Variants in TBKBP1 observed in about 807,000 individuals in gnomAD.
TBKBP1 encodes TBK1 binding protein 1.
Under a neutral mutation model 69.9 loss-of-function variants are expected in TBKBP1, and 47 were observed. The observed-to-expected ratio is 0.67, with a 90% CI of 0.53 to 0.86. The LOEUF (loss-of-function observed/expected upper bound fraction) is 0.86, where lower values mean the gene tolerates loss of function less well. Ranked by LOEUF, TBKBP1 falls within the 40% of genes least tolerant of loss-of-function variation. The pLI, the probability that TBKBP1 is intolerant of heterozygous loss-of-function variation, is 0.00. For synonymous variants in TBKBP1, 418 were observed against 390.3 expected (o/e 1.07, Z -0.84); for missense variants, 831 against 858.6 (o/e 0.97, Z 0.40).
chr17:47,704,399 C>T (rs1471638815), intron 7 of TBKBP1, among the ~76,000 whole-genome samples: 6 of 152,356 alleles, frequency 3.9e-5, no homozygotes, highest in Admixed American at 2.0e-4. Flanking sequence ...GTCCGTTCCA[C>T]GGCCCGGTGC....
intron 2 of TBKBP1, 39 bp from the exon 3 acceptor site, chr17:47,696,672 C>T (rs2143253768): frequency 6.2e-7 from 1 of 1,613,362 alleles, no homozygotes; most frequent in Non-Finnish European, 8.5e-7. Flanking sequence ...GGCTGGGCAC[C>T]CGGGAATCCA....
intron 1 of TBKBP1, among the ~76,000 whole-genome samples, chr17:47,694,454 G>A (rs974973718): frequency 6.6e-6 from 1 of 152,050 alleles, no homozygotes; most frequent in African/African-American, 2.4e-5. Flanking sequence ...GGCCGGTTGT[G>A]GGGGAGGGGG....
rs995371551 is a variant in TBKBP1 at position 47,696,205 on chromosome 17, G to C, written c.93G>C (p.Ser31=). 2.5e-6 allele frequency: 4 copies of C among 1,613,638 alleles called. No individual in the cohort carries two copies. Among genetic ancestry groups the C allele is most frequent in the Non-Finnish European group, 3.4e-6 (4 of 1,179,848 alleles). Residue 31 remains serine, a synonymous_variant, in exon 2 of 10, where the codon TCG becomes TCC. Coordinates refer to ENST00000578982, the MANE Select transcript of TBKBP1 (RefSeq NM_001394755.1). The part of the protein sequence containing the change: ...EVWLDSPGDP[S]LGGDMCSASH... ...GGCTGGACAGTCCCGGAGACCCCTCGCTTGGGGGCGACATGTGCTCCGCCT... is the reference window on the plus strand; with the variant it reads ...GGCTGGACAGTCCCGGAGACCCCTCCCTTGGGGGCGACATGTGCTCCGCCT...
intron 7 of TBKBP1, among the ~76,000 whole-genome samples, chr17:47,702,771 C>A (rs1379988337): frequency 6.6e-6 from 1 of 152,010 alleles, no homozygotes; most frequent in Non-Finnish European, 1.5e-5. Context: ...CACGCAGAGG[C>A]CAAAGGCAGT....
Position 47,696,230 on chromosome 17 carries a change from T to A in TBKBP1, c.118T>A (p.Ser40Thr), listed in dbSNP as rs1179321250. 1 of 1,613,684 alleles carries A rather than the reference T, an allele frequency of 6.2e-7. No individual in the cohort carries two copies. The highest frequency in any genetic ancestry group is 8.5e-7 in the Non-Finnish European group (1 of 1,179,840). The change falls in exon 2 of 10, where the codon TCC (serine) becomes ACC (threonine). Residue 40 changes from serine (S) to threonine (T), a missense_variant. Coordinates refer to ENST00000578982, the MANE Select transcript of TBKBP1 (RefSeq NM_001394755.1). The part of the protein sequence containing the change: ...PSLGGDMCSA[S>T]HFALITAYGD... ...GCTTGGGGGCGACATGTGCTCCGCC[T>A]CCCACTTTGCCCTCATCACTGCTTA...
intron 5 of TBKBP1, 29 bp downstream of exon 5, chr17:47,698,804 C>T (rs770423183): frequency 4.0e-6 from 6 of 1,509,846 alleles, no homozygotes; most frequent in South Asian, 2.7e-5. Flanking sequence ...CGACTTACCT[C>T]CTAGTCCCCA....
In TBKBP1 at chr17:47,696,058, C is replaced by T. The variant is rs1054468807; in HGVS notation, c.-34-21C>T. On this transcript the variant is annotated intron_variant, in intron 1 of 9. Coordinates refer to ENST00000578982, the MANE Select transcript of TBKBP1 (RefSeq NM_001394755.1). ...AACCCTAGACAGACGGCCCTGTCCA[C>T]GGTTGCTCCTGCTCTCCTAGGAGGC... 3.5e-6 allele frequency: 5 copies of T among 1,414,948 alleles called. No homozygotes were observed. The African/African-American group carries it at 5.7e-5, about 16-fold the overall frequency. The allele number at this position is 1,414,948 out of a possible 1,614,324, so 87.6% of individuals were successfully genotyped here.
chr17:47,710,398 A>G (rs1597972083), intron 9 of TBKBP1, 100 bp from the exon 10 acceptor site: 4 of 1,502,772 alleles, frequency 2.7e-6, no homozygotes, highest in Non-Finnish European at 3.6e-6. Context: ...CCTGCATGCC[A>G]CAGCCCTCCC....
At chr17:47,701,247 G>A (rs1179913628) in intron 7 of TBKBP1, among the ~76,000 whole-genome samples, 2 of 152,136 alleles carry the variant, frequency 1.3e-5, no homozygotes, top group East Asian at 3.9e-4. Context: ...TGGTGGGTGG[G>A]ACCCCTCAGC....
rs1031767645 is a variant in TBKBP1 at position 47,709,019 on chromosome 17, C to T, written c.1286C>T (p.Pro429Leu). Residue 429 changes from proline to leucine, a missense_variant, in exon 9 of 10, where the codon CCG (proline) becomes CTG (leucine). By Grantham distance (98) the Pro-to-Leu change is moderately conservative. Coordinates refer to ENST00000578982, the MANE Select transcript of TBKBP1 (RefSeq NM_001394755.1). Reference protein sequence around the residue: ...PSCPAPQPRPPPPPPPGERTL... With the variant: ...PSCPAPQPRPLPPPPPGERTL... ...TGCCCGGCCCCGCAGCCCCGGCCAC[C>T]GCCGCCGCCCCCGCCGGGCGAGAGG... 7 of 1,193,652 alleles carry T rather than the reference C, an allele frequency of 5.9e-6. No homozygotes were observed. Among genetic ancestry groups the T allele is most frequent in the Non-Finnish European group, 7.3e-6 (7 of 960,108 alleles). 73.9% of individuals were successfully genotyped at this position (1,193,652 alleles called of 1,614,324 possible). A position where few individuals can be genotyped will look rare whatever the true frequency, so the allele number is the denominator to read the frequency against.
intron 7 of TBKBP1, among the ~76,000 whole-genome samples, chr17:47,702,995 A>AAAGGGGGGGGGGGGG (rs2031567481): frequency 7.7e-5 from 2 of 25,926 alleles, no homozygotes; most frequent in African/African-American, 3.9e-4. Flanking sequence ...CGGGGGGGGG[A>AAAGGGGGGGGGGGGG]ACTTCTTGAA....
At position 47,710,646 on chromosome 17, in the gene TBKBP1, G is replaced by A. The variant is rs372571702; in HGVS notation, c.*20G>A. 14 of 1,587,944 alleles carry A rather than the reference G, an allele frequency of 8.8e-6. No homozygotes were observed. Among genetic ancestry groups the A allele is most frequent in the Admixed American group, 3.4e-5 (2 of 59,472 alleles). ...ATCTAGGGCACCAGCCCCACCCACT[G>A]GCTGTTTCTCCGTCCTCTCCTATCA... On this transcript the variant is annotated 3_prime_UTR_variant, in exon 10 of 10. Coordinates refer to ENST00000578982, the MANE Select transcript of TBKBP1 (RefSeq NM_001394755.1).
chr17:47,710,732 C>T lies in TBKBP1; in HGVS notation c.*106C>T. 1 of 1,443,302 alleles carries T rather than the reference C, an allele frequency of 6.9e-7. No individual in the cohort carries two copies. The allele number at this position is 1,443,302 out of a possible 1,614,324, so 89.4% of individuals were successfully genotyped here. A position where few individuals can be genotyped will look rare whatever the true frequency, so the allele number is the denominator to read the frequency against. ...CGTGGGGGGTCCCTGCCCTTGCGAC[C>T]CCCAGATACCTCCACTTGCTACCGA... On this transcript the variant is annotated 3_prime_UTR_variant, in exon 10 of 10. Transcript: ENST00000578982.
rs773976194 is a variant in TBKBP1 at position 47,709,224 on chromosome 17, C to T, written c.1491C>T (p.Tyr497=). The part of the protein sequence containing the change: ...PKPRAYGSEL[Y]GPGRPLSPRR... ...CCCGGGCCTACGGCAGCGAGCTCTA[C>T]GGCCCTGGCAGGCCCCTCAGCCCGC... The change falls in exon 9 of 10, where the codon TAC becomes TAT. Residue 497 remains tyrosine, a synonymous_variant. Coordinates refer to ENST00000578982, the MANE Select transcript of TBKBP1 (RefSeq NM_001394755.1). 4 of 1,526,210 alleles carry T rather than the reference C, an allele frequency of 2.6e-6. No homozygotes were observed. Among genetic ancestry groups the T allele is most frequent in the South Asian group, 1.2e-5 (1 of 82,310 alleles). The allele number at this position is 1,526,210 out of a possible 1,614,324, so 94.5% of individuals were successfully genotyped here.
chr17:47,704,722 G>A (rs536100524), intron 7 of TBKBP1, among the ~76,000 whole-genome samples: 61 of 152,252 alleles, frequency 4.0e-4, no homozygotes, highest in South Asian at 3.1e-3. Context: ...TCTTGGCCAC[G>A]TGCTACATCA....
chr17:47,699,417 G>C lies in TBKBP1; in HGVS notation c.732G>C (p.Gln244His). ...EAAQGEARGA[Q>H]LREEQLQAEC... ...CGCAGGGAGAGGCCCGGGGGGCTCAGCTCCGGGAGGAGCAGCTCCAGGCCG... is the reference window on the plus strand; with the variant it reads ...CGCAGGGAGAGGCCCGGGGGGCTCACCTCCGGGAGGAGCAGCTCCAGGCCG... The change falls in exon 6 of 10, where the codon CAG becomes CAC. Residue 244 changes from glutamine (Q) to histidine (H), a missense_variant. Physicochemically the swap from Gln to His is conservative, Grantham distance 24 (BLOSUM62 0). Transcript: ENST00000578982. The C allele has an allele frequency of 6.4e-7, 1 of 1,567,870 alleles. No individual in the cohort carries two copies. The highest frequency in any genetic ancestry group is 8.6e-7 in the Non-Finnish European group (1 of 1,160,916).
rs2031768044 is a variant in TBKBP1, at chr17:47,708,352, C to T, written c.873-42C>T. On this transcript the variant is annotated intron_variant, in intron 7 of 9. Transcript: ENST00000578982. The surrounding 1 kb of genome is among the most constrained non-coding windows in gnomAD (Gnocchi z 4.4). ...CTTCCTCCACAGCTGGGACGGTAGA[C>T]CCACTGCCCTTCTCGTCTTTCCCAC... 3 of 1,602,744 alleles carry T rather than the reference C, an allele frequency of 1.9e-6. No homozygotes were observed. The highest frequency in any genetic ancestry group is 1.7e-5 in the Admixed American group (1 of 59,832).
Position 47,708,804 on chromosome 17 carries a change from TC to T in TBKBP1, c.1076del (p.Pro359ArgfsTer94). On this transcript the variant is annotated frameshift_variant, in exon 9 of 10. Transcript: ENST00000578982. LOFTEE classifies it high-confidence loss of function. The surrounding 1 kb of genome is among the most constrained non-coding windows in gnomAD (Gnocchi z 4.4). ...CCCCCTCCCCGCCTGCCCGAGCGGC[TC>T]CCCCGTGCCCCCCGTGCCAGTCCCC... ...PSPSPPARAAPPCPPCQSPVP... is the reference protein window; with the variant it reads ...PSPSPPARAAXPCPPCQSPVP... 1 of 662,346 alleles carries T rather than the reference TC, an allele frequency of 1.5e-6. No individual in the cohort carries two copies. The highest frequency in any genetic ancestry group is 3.8e-5 in the East Asian group (1 of 26,604). 41.0% of individuals were successfully genotyped at this position (662,346 alleles called of 1,614,324 possible). A position where few individuals can be genotyped will look rare whatever the true frequency, so the allele number is the denominator to read the frequency against.
In TBKBP1 at chr17:47,698,862, A is replaced by G. The variant is rs527326246; in HGVS notation, c.634+87A>G. The G allele has an allele frequency of 2.6e-5, 31 of 1,214,386 alleles. No individual in the cohort carries two copies. In the South Asian group the frequency reaches 5.0e-4, roughly 20 times the overall value. The allele number at this position is 1,214,386 out of a possible 1,614,324, so 75.2% of individuals were successfully genotyped here. Reference sequence around the variant, plus strand: ...ACACCTCGCACTTACTTACCATCCCATTTGTAATATAATCTATTTCTCCAT... The same window carrying G: ...ACACCTCGCACTTACTTACCATCCCGTTTGTAATATAATCTATTTCTCCAT... On this transcript the variant is annotated intron_variant, in intron 5 of 9. Transcript: ENST00000578982.
Sources: gnomAD v4.1 joint callset for allele counts (sites outside exome capture counted in the v4.1 genomes callset) on GRCh38, gnomAD v4.1.1 for gene constraint, Gnocchi (gnomAD v3.1) non-coding constraint, MANE v1.5 for transcripts, NCBI Gene and HGNC (gene_info 2026-07-23, HGNC 2026-07-21) for gene names.